PTPRG: variants seen among roughly 807,000 people sequenced by gnomAD.
The protein encoded by PTPRG is protein tyrosine phosphatase receptor type G, also known as receptor-type tyrosine-protein phosphatase gamma.
A neutral mutation model predicts 165.3 loss-of-function variants in PTPRG; 102 were observed. The ratio of observed to expected loss-of-function variants is 0.62; its 90% CI spans 0.53 to 0.73. PTPRG has a LOEUF of 0.73. PTPRG is among the 30% of genes least tolerant of loss of function. PTPRG has a pLI of 0.00. For missense variants in PTPRG, 1,866 were observed against 1,861.4 expected, an observed-to-expected ratio of 1.00 and a Z score of -0.05; for synonymous variants, 675 against 669.5, an observed-to-expected ratio of 1.01 and a Z score of -0.13.
chr3:62,270,643 T>A (rs1702029523), intron 20 of PTPRG, among the ~76,000 whole-genome samples: 1 of 152,212 alleles, frequency 6.6e-6, no homozygotes, highest in Admixed American at 6.5e-5. Context: ...AAAGCCATCA[T>A]GGGCCTTTGT....
intron 2 of PTPRG, 77 bp from the exon 3 acceptor site, chr3:61,989,548 C>G: frequency 2.1e-6 from 3 of 1,415,792 alleles, no homozygotes; most frequent in Non-Finnish European, 2.9e-6. Flanking sequence ...AGATGCAGTG[C>G]TCAGCTTCCT....
In PTPRG at chr3:62,065,992, TG is replaced by T. The variant is rs998031434; in HGVS notation, c.520-12169del. 3.5e-3 allele frequency among the ~76,000 whole-genome samples: 540 copies of T among 152,354 alleles called. 2 individuals carry two copies. The highest frequency in any genetic ancestry group is 0.012 in the African/African-American group (513 of 41,588). On this transcript the variant is annotated intron_variant, in intron 4 of 29. Coordinates refer to ENST00000474889, the MANE Select transcript of PTPRG (RefSeq NM_002841.4). ...ATGTTTTGCAGCAACCTTTTTCTTATGGAGAACCATGATGTGGTAGCATTCA... is the reference window on the plus strand; with the variant it reads ...ATGTTTTGCAGCAACCTTTTTCTTATGAGAACCATGATGTGGTAGCATTCA...
intron 1 of PTPRG, among the ~76,000 whole-genome samples, chr3:61,630,609 A>G (rs950861341): frequency 1.3e-5 from 2 of 152,150 alleles, no homozygotes; most frequent in Non-Finnish European, 2.9e-5. Flanking sequence ...GGAATTTTTC[A>G]GTTGAGCTGA....
At chr3:62,174,640 T>C (rs1239445245) in intron 8 of PTPRG, among the ~76,000 whole-genome samples, 3 of 152,240 alleles carry the variant, frequency 2.0e-5, no homozygotes, top group Admixed American at 6.5e-5. Flanking sequence ...AGTAAATCCA[T>C]GACTGGTTTA....
chr3:61,666,639 C>G (rs1335597799), intron 1 of PTPRG, among the ~76,000 whole-genome samples: 2 of 152,196 alleles, frequency 1.3e-5, no homozygotes, highest in African/African-American at 2.4e-5. Context: ...AAACCTAAGG[C>G]AGAGTTGCTG....
intron 13 of PTPRG, among the ~76,000 whole-genome samples, chr3:62,220,480 G>T (rs1195158303): frequency 6.6e-6 from 1 of 152,118 alleles, no homozygotes; most frequent in Non-Finnish European, 1.5e-5. Flanking sequence ...CTATTTTGAA[G>T]GTGGGAGCAA....
At chr3:61,807,702 A>T (rs948304544) in intron 2 of PTPRG, among the ~76,000 whole-genome samples, 2 of 152,226 alleles carry the variant, frequency 1.3e-5, no homozygotes, top group Admixed American at 1.3e-4. Flanking sequence ...AAATGTGTTC[A>T]TGTAAGGGTA....
At chr3:61,805,297 A>G (rs1559621628) in intron 2 of PTPRG, among the ~76,000 whole-genome samples, 1 of 152,100 alleles carries the variant, frequency 6.6e-6, no homozygotes, top group African/African-American at 2.4e-5. Context: ...AATGCACTGG[A>G]CTGTCCCCAC....
intron 1 of PTPRG, among the ~76,000 whole-genome samples, chr3:61,697,147 CT>C (rs1218344791): frequency 6.6e-6 from 1 of 152,192 alleles, no homozygotes; most frequent in Non-Finnish European, 1.5e-5. Context: ...CTTTCTCCTG[CT>C]TTTCTTCACT....
chr3:61,743,112 C>T, intron 1 of PTPRG: 4 of 1,419,608 alleles, frequency 2.8e-6, no homozygotes. Context: ...CTCATGGCTT[C>T]TCACGCCGCG....
Position 61,562,255 on chromosome 3 carries a change from C to T in PTPRG, c.-33C>T, listed in dbSNP as rs757594772. 65 of 1,597,008 alleles carry T rather than the reference C, an allele frequency of 4.1e-5. No individual in the cohort carries two copies. In the Admixed American group the frequency reaches 7.2e-4, roughly 18 times the overall value. ...GAACTTATTCAACAAGTTTACCTCCCTGCTTTCCTCTTTTCGATGTGCGTT... is the reference window on the plus strand; with the variant it reads ...GAACTTATTCAACAAGTTTACCTCCTTGCTTTCCTCTTTTCGATGTGCGTT... On this transcript the variant is annotated 5_prime_UTR_variant, in exon 1 of 30. Coordinates refer to ENST00000474889, the MANE Select transcript of PTPRG (RefSeq NM_002841.4).
intron 12 of PTPRG, among the ~76,000 whole-genome samples, chr3:62,208,837 T>C (rs755371624): frequency 9.9e-5 from 15 of 152,234 alleles, no homozygotes; most frequent in Non-Finnish European, 1.6e-4. Flanking sequence ...GCCCTGCCTA[T>C]GCAGAAGGCC....
chr3:61,704,240 C>T (rs1007230120), intron 1 of PTPRG, among the ~76,000 whole-genome samples: 2 of 152,112 alleles, frequency 1.3e-5, no homozygotes, highest in African/African-American at 4.8e-5. Context: ...TTCAGTTTGT[C>T]CAGCTGTAAA....
At chr3:62,036,817 G>T (rs1417605541) in intron 4 of PTPRG, among the ~76,000 whole-genome samples, 1 of 152,210 alleles carries the variant, frequency 6.6e-6, no homozygotes, top group African/African-American at 2.4e-5. Flanking sequence ...ACCATCCTCT[G>T]ATTAAATGGC....
At position 62,282,684 on chromosome 3, in the gene PTPRG, T is replaced by A. The variant is rs1702498793; in HGVS notation, c.3913-43T>A. The A allele has an allele frequency of 5.1e-6, 8 of 1,566,702 alleles. No individual in the cohort carries two copies. The East Asian group carries it at 1.9e-4, about 36-fold the overall frequency. ...TTCTAGTCATTAGATTGTAGATATGTGAAATAAAGGAAGGGATTTGACCCA... is the reference window on the plus strand; with the variant it reads ...TTCTAGTCATTAGATTGTAGATATGAGAAATAAAGGAAGGGATTTGACCCA... On this transcript the variant is annotated intron_variant, in intron 27 of 29. Coordinates refer to ENST00000474889, the MANE Select transcript of PTPRG (RefSeq NM_002841.4).
intron 2 of PTPRG, among the ~76,000 whole-genome samples, chr3:61,862,021 C>T (rs591988): frequency 0.28 from 41,831 of 151,942 alleles, 6,184 homozygotes; most frequent in East Asian, 0.57. Context: ...TCCAACTCCA[C>T]GGATTGGTAC....
chr3:62,109,133 G>A (rs1702578444), intron 5 of PTPRG, among the ~76,000 whole-genome samples: 1 of 152,180 alleles, frequency 6.6e-6, no homozygotes, highest in African/African-American at 2.4e-5. Context: ...CCTATGTCCT[G>A]AATGGTATTG....
chr3:62,240,032 C>A lies in PTPRG; in HGVS notation c.2376-3775C>A, dbSNP rs1326453731. Among the ~76,000 whole-genome samples the A allele has an allele frequency of 1.3e-5, 2 of 152,022 alleles. No individual in the cohort carries two copies. The highest frequency in any genetic ancestry group is 1.5e-5 in the Non-Finnish European group (1 of 68,014). On this transcript the variant is annotated intron_variant, in intron 14 of 29. Coordinates refer to ENST00000474889, the MANE Select transcript of PTPRG (RefSeq NM_002841.4). The surrounding 1 kb of genome is among the most constrained non-coding windows in gnomAD (Gnocchi z 5.1). ...TCATCAGTCCCTGGCCCAGAGTAGA[C>A]CCCCCAATAGATAGTTATTAAAGGA...
At chr3:62,018,921 G>T (rs116309964) in intron 4 of PTPRG, among the ~76,000 whole-genome samples, 1,891 of 152,262 alleles carry the variant, frequency 0.012, 28 homozygotes, top group African/African-American at 0.043. Flanking sequence ...TGATTGGAAT[G>T]GACAGTGGTG....
Sources: gnomAD v4.1 joint callset for allele counts (sites outside exome capture counted in the v4.1 genomes callset) on GRCh38, gnomAD v4.1.1 for gene constraint, Gnocchi (gnomAD v3.1) non-coding constraint, MANE v1.5 for transcripts, NCBI Gene and HGNC (gene_info 2026-07-23, HGNC 2026-07-21) for gene names.